DNAAF11: variants seen among roughly 807,000 people sequenced by gnomAD.
DNAAF11 encodes leucine rich repeat containing 6.
In DNAAF11, 45 loss-of-function variants were observed where a neutral mutation model predicts 60.8. That is an observed-to-expected ratio of 0.74 (90% CI 0.58 to 0.95). DNAAF11 has a LOEUF of 0.95. Ranked by LOEUF, DNAAF11 falls within the 40% of genes least tolerant of loss-of-function variation. The pLI, the probability that DNAAF11 is intolerant of heterozygous loss-of-function variation, is 0.00. For synonymous variants in DNAAF11, 191 were observed against 183.5 expected (o/e 1.04, Z -0.33); for missense variants, 546 against 546.2 (o/e 1.00, Z 0.00).
At chr8:132,589,983 T>G (rs1472125892) in intron 10 of DNAAF11, among the ~76,000 whole-genome samples, 1 of 152,222 alleles carries the variant, frequency 6.6e-6, no homozygotes, top group East Asian at 1.9e-4. Flanking sequence ...CACTCTTCAG[T>G]GCAGACCTTT....
chr8:132,675,296 G>A, intron 1 of DNAAF11, 188 bp downstream of exon 1: 1 of 565,118 alleles, frequency 1.8e-6, no homozygotes, highest in Non-Finnish European at 3.2e-6. Flanking sequence ...AGGCCAGGCT[G>A]TCCGGCCAGT....
the DNAAF11 span, among the ~76,000 whole-genome samples, chr8:132,701,822 C>T: frequency 6.6e-6 from 1 of 152,112 alleles, no homozygotes; most frequent in Non-Finnish European, 1.5e-5. Context: ...CTGGTAGAGC[C>T]CTCTGCTTCC....
chr8:132,677,132 C>T (rs138959746), upstream of DNAAF11, among the ~76,000 whole-genome samples: 9 of 152,254 alleles, frequency 5.9e-5, no homozygotes, highest in East Asian at 1.2e-3. Context: ...GACACTGACA[C>T]GTGACACTGA....
chr8:132,575,617 G>C (rs1814664639), intron 11 of DNAAF11, among the ~76,000 whole-genome samples: 1 of 152,150 alleles, frequency 6.6e-6, no homozygotes, highest in African/African-American at 2.4e-5. Context: ...CCATCACCAA[G>C]GCCCGGAAAG....
chr8:132,596,799 GC>G (rs1294443960), intron 10 of DNAAF11, among the ~76,000 whole-genome samples: 23 of 152,156 alleles, frequency 1.5e-4, no homozygotes, highest in Admixed American at 1.4e-3. Context: ...CTCTCCTGTT[GC>G]CCCCTGTAAG....
At chr8:132,629,565 T>A (rs544722079) in intron 5 of DNAAF11, among the ~76,000 whole-genome samples, 1 of 151,982 alleles carries the variant, frequency 6.6e-6, no homozygotes, top group Non-Finnish European at 1.5e-5. Flanking sequence ...GCCAGGATGG[T>A]CTCAATCTCC....
Position 132,572,375 on chromosome 8 carries a change from T to C in DNAAF11, c.1332A>G (p.Glu444=). Residue 444 remains glutamate (E), a synonymous_variant, in exon 12 of 12, where the codon GAA becomes GAG. Coordinates refer to ENST00000620350, the MANE Select transcript of DNAAF11 (RefSeq NM_012472.6). ...CTTCCTCACTTGGTATAATTTTGGG[T>C]TCAGGTCGTCTTCTGGGTGTGTGTT... ...EKKHTPRRRP[E]PKIIPSEEDP... is the part of the protein sequence containing the mutation. 6.2e-7 allele frequency: 1 copy of C among 1,614,120 alleles called. No homozygotes were observed. Among genetic ancestry groups the C allele is most frequent in the Non-Finnish European group, 8.5e-7 (1 of 1,179,978 alleles).
chr8:132,692,653 G>A, the DNAAF11 span, among the ~76,000 whole-genome samples: 1 of 152,182 alleles, frequency 6.6e-6, no homozygotes, highest in African/African-American at 2.4e-5. Flanking sequence ...GCCTTGTGAA[G>A]GTGCTCAAAC....
intron 9 of DNAAF11, 91 bp from the exon 10 acceptor site, chr8:132,610,352 T>C (rs1818537260): frequency 1.5e-5 from 12 of 777,918 alleles, no homozygotes; most frequent in East Asian, 2.5e-5. Flanking sequence ...AAATTCAAGA[T>C]ACACCATTCA....
At chr8:132,695,838 T>C in the DNAAF11 span, among the ~76,000 whole-genome samples, 2 of 152,078 alleles carry the variant, frequency 1.3e-5, no homozygotes, top group African/African-American at 4.8e-5. Context: ...ACCCGGAAAG[T>C]ACAATGAATG....
chr8:132,656,529 T>C (rs1302348684), intron 3 of DNAAF11, among the ~76,000 whole-genome samples: 1 of 152,230 alleles, frequency 6.6e-6, no homozygotes, highest in African/African-American at 2.4e-5. Flanking sequence ...TGGAGTGCAA[T>C]GGCGCAATCT....
chr8:132,625,501 G>A (rs770763709), intron 5 of DNAAF11, 47 bp from the exon 6 acceptor site: 14 of 1,401,464 alleles, frequency 1.0e-5, no homozygotes, highest in Non-Finnish European at 1.4e-5. Context: ...GGATTCATGA[G>A]CTTCATCCTT....
At chr8:132,695,265 C>A in the DNAAF11 span, among the ~76,000 whole-genome samples, 3 of 152,074 alleles carry the variant, frequency 2.0e-5, no homozygotes, top group East Asian at 5.8e-4. Flanking sequence ...TTGTTCTAAG[C>A]AACGAAGAAT....
At chr8:132,588,043 G>A (rs1816084452) in intron 10 of DNAAF11, among the ~76,000 whole-genome samples, 1 of 152,164 alleles carries the variant, frequency 6.6e-6, no homozygotes, top group Non-Finnish European at 1.5e-5. Flanking sequence ...TGTGAGCTGT[G>A]TAAAAATACA....
At chr8:132,678,991 A>G (rs1440722719), upstream of DNAAF11, among the ~76,000 whole-genome samples, 3 of 152,086 alleles carry the variant, frequency 2.0e-5, no homozygotes, top group Non-Finnish European at 4.4e-5. Flanking sequence ...TCTCTAAGAT[A>G]CTTTTAAGCA....
chr8:132,627,979 G>T (rs1197117733), intron 5 of DNAAF11, among the ~76,000 whole-genome samples: 1 of 152,024 alleles, frequency 6.6e-6, no homozygotes, highest in African/African-American at 2.4e-5. Context: ...ATACTTCCTG[G>T]CTCCTTTTGT....
At chr8:132,578,139 G>T (rs1814950943) in intron 11 of DNAAF11, among the ~76,000 whole-genome samples, 1 of 151,934 alleles carries the variant, frequency 6.6e-6, no homozygotes, top group African/African-American at 2.4e-5. Context: ...TAATTATTTT[G>T]TCCTTGACTT....
At chr8:132,603,079 A>G (rs1817791010) in intron 10 of DNAAF11, among the ~76,000 whole-genome samples, 1 of 151,988 alleles carries the variant, frequency 6.6e-6, no homozygotes, top group African/African-American at 2.4e-5. Flanking sequence ...TTTTCTTCCC[A>G]CCTGTGTGGT....
chr8:132,687,594 G>A, the DNAAF11 span: 2 of 455,998 alleles, frequency 4.4e-6, no homozygotes. Flanking sequence ...ACCAGGTGCT[G>A]CAAGCTTCCT....
Sources: allele counts gnomAD v4.1 joint callset (sites outside exome capture counted in the v4.1 genomes callset), GRCh38; gene constraint gnomAD v4.1.1; transcripts MANE v1.5; gene names NCBI Gene and HGNC (gene_info 2026-07-23, HGNC 2026-07-21).